COL20A1: variants seen among roughly 807,000 people sequenced by gnomAD.
COL20A1 encodes collagen alpha-1(XX) chain.
COL20A1 carries 164 observed loss-of-function variants against 152.9 expected under a neutral mutation model. The observed-to-expected ratio is 1.07, with a 90% confidence interval of 0.94 to 1.22. The LOEUF (loss-of-function observed/expected upper bound fraction) is 1.22. Ranked by LOEUF, COL20A1 falls within the 50% of genes most tolerant of loss-of-function variation. The pLI is 0.00. For synonymous variants in COL20A1, 864 were observed against 756.0 expected (o/e 1.14, Z -2.34); for missense variants, 1,873 against 1,744.8 (o/e 1.07, Z -1.31).
chr20:63,310,842 G>A (rs1386030472), intron 11 of COL20A1, among the ~76,000 whole-genome samples: 3 of 152,234 alleles, frequency 2.0e-5, no homozygotes, highest in East Asian at 3.9e-4. Context: ...TGGACCCCCA[G>A]GGACTGCCAT....
In COL20A1 at chr20:63,328,119, G is replaced by A. The variant is rs1279158685; in HGVS notation, c.3605G>A (p.Ser1202Asn). 4 of 1,613,188 alleles carry A rather than the reference G, an allele frequency of 2.5e-6. No homozygotes were observed. The highest frequency in any genetic ancestry group is 3.4e-6 in the Non-Finnish European group (4 of 1,179,816). The change falls in exon 33 of 36, where the codon AGC (serine) becomes AAC (asparagine). Residue 1202 changes from serine (S) to asparagine (N), a missense_variant. By Grantham distance (46) the Ser-to-Asn change is conservative (BLOSUM62 1). Transcript: ENST00000358894. ...QSLATLYQLV[S>N]QASHVSKFDS... ...CTTGCCACCCTCTACCAGCTTGTGAGCCAGGCCTGTGAGTCTGCCATTCAG... is the reference window on the plus strand; with the variant it reads ...CTTGCCACCCTCTACCAGCTTGTGAACCAGGCCTGTGAGTCTGCCATTCAG...
rs759153105 is a variant in COL20A1 at position 63,311,742 on chromosome 20, A to T, written c.1657A>T (p.Arg553Trp). 4.4e-6 allele frequency: 7 copies of T among 1,590,680 alleles called. No homozygotes were observed. Among genetic ancestry groups the T allele is most frequent in the Non-Finnish European group, 5.1e-6 (6 of 1,173,774 alleles). ...CAGCGAGGCCCGGGGCATCCGTGCC[A>T]GGACCCGTGAGTGCTCCAACCCCGG... ...EGSEARGIRARTPTLAPPRHL... is the reference protein window; with the variant it reads ...EGSEARGIRAWTPTLAPPRHL... Residue 553 changes from arginine to tryptophan, a missense_variant, in exon 13 of 36, where the codon AGG becomes TGG. Arg to Trp is a moderately radical substitution (Grantham distance 101). Coordinates refer to ENST00000358894, the MANE Select transcript of COL20A1 (RefSeq NM_020882.4). The surrounding 1 kb of genome is among the most constrained non-coding windows in gnomAD (Gnocchi z 4.4).
intron 10 of COL20A1, 22 bp from the exon 11 acceptor site, chr20:63,310,359 G>C: frequency 6.2e-7 from 1 of 1,609,890 alleles, no homozygotes. Flanking sequence ...TCCTGGCTCC[G>C]TCCTTGCCCA....
At position 63,329,661 on chromosome 20, in the gene COL20A1, G is replaced by C; in HGVS notation, c.*3G>C. The C allele has an allele frequency of 6.3e-7, 1 of 1,581,744 alleles. No individual in the cohort carries two copies. On this transcript the variant is annotated splice_region_variant and 3_prime_UTR_variant, in exon 35 of 36. Coordinates refer to ENST00000358894, the MANE Select transcript of COL20A1 (RefSeq NM_020882.4). ...GCACCCAGGGCCTCTGGGAGTGACA[G>C]GTGAGCCCCTGCTGCCTGCATCTAT...
Position 63,322,071 on chromosome 20 carries a change from G to A in COL20A1, c.3254G>A (p.Arg1085Lys). The change falls in exon 27 of 36, where the codon AGG becomes AAG. Residue 1085 changes from arginine (R) to lysine (K), a missense_variant. Transcript: ENST00000358894. ...GTGCCTCTGCAGGGCCTCCCTGGGA[G>A]GAATGGCACCCCAGGAGAGCAGGGC... ...GPQGPPGLPG[R>K]NGTPGEQGFP... 1 of 1,506,832 alleles carries A rather than the reference G, an allele frequency of 6.6e-7. No individual in the cohort carries two copies. Among genetic ancestry groups the A allele is most frequent in the Non-Finnish European group, 8.8e-7 (1 of 1,131,748 alleles). The allele number at this position is 1,506,832 out of a possible 1,614,324, so 93.3% of individuals were successfully genotyped here.
chr20:63,322,593 G>A (rs2068180778), intron 27 of COL20A1, among the ~76,000 whole-genome samples: 1 of 152,220 alleles, frequency 6.6e-6, no homozygotes, highest in Admixed American at 6.5e-5. Context: ...CGGGGGCGGA[G>A]GTTCTGGTTC....
At position 63,295,197 on chromosome 20, in the gene COL20A1, C is replaced by T; in HGVS notation, c.82+8C>T. 1 of 1,544,706 alleles carries T rather than the reference C, an allele frequency of 6.5e-7. No homozygotes were observed. The highest frequency in any genetic ancestry group is 8.8e-7 in the Non-Finnish European group (1 of 1,141,572). The stretch of plus-strand genomic sequence containing the variant: ...GAAGAGAGCAAGTTCAAGGTAAGGA[C>T]ACTGGCAGTGGGCCCCTGCTTGCCC... On this transcript the variant is annotated splice_region_variant and intron_variant, in intron 2 of 35. Transcript: ENST00000358894.
At position 63,305,405 on chromosome 20, in the gene COL20A1, A is replaced by AC; in HGVS notation, c.194-8dup. 6.7e-7 allele frequency: 1 copy of AC among 1,490,550 alleles called. No homozygotes were observed. Among genetic ancestry groups the AC allele is most frequent in the Non-Finnish European group, 8.9e-7 (1 of 1,123,070 alleles). 92.3% of individuals were successfully genotyped at this position (1,490,550 alleles called of 1,614,324 possible). A position where few individuals can be genotyped will look rare whatever the true frequency, so the allele number is the denominator to read the frequency against. On this transcript the variant is annotated splice_polypyrimidine_tract_variant and intron_variant, in intron 3 of 35. Transcript: ENST00000358894. The surrounding 1 kb of genome is among the most constrained non-coding windows in gnomAD (Gnocchi z 4.9). ...CACCTTGGCCTCTAAAGCTCTCCCC[A>AC]CCCCTACCCAGGGGACTCGGAACAG...
Position 63,316,172 on chromosome 20 carries a change from G to A in COL20A1, c.2525-381G>A, listed in dbSNP as rs376519886. ...GGCGGGCGGGGGACGCGGTGCAGTG[G>A]GCTTGCTGGGGGGCAGGGGCGAGAG... On this transcript the variant is annotated intron_variant, in intron 20 of 35. Coordinates refer to ENST00000358894, the MANE Select transcript of COL20A1 (RefSeq NM_020882.4). 5.3e-5 allele frequency among the ~76,000 whole-genome samples: 8 copies of A among 152,242 alleles called. No individual in the cohort carries two copies. In the South Asian group the frequency reaches 1.0e-3, roughly 20 times the overall value.
chr20:63,319,067 C>T lies in COL20A1; in HGVS notation c.2673C>T (p.Tyr891=). 2.5e-6 allele frequency: 4 copies of T among 1,600,894 alleles called. No individual in the cohort carries two copies. The highest frequency in any genetic ancestry group is 3.4e-6 in the Non-Finnish European group (4 of 1,169,338). Residue 891 remains tyrosine (Y), a synonymous_variant, in exon 22 of 36, where the codon TAC becomes TAT. Transcript: ENST00000358894. This position sits in a 1 kb window ranked among gnomAD's most constrained non-coding sequence, Gnocchi z 4.4. ...AQLTRRVSDV[Y]PAPLPPEHTI... ...CCCCCAACCCCCACAGTGACGTCTACCCAGCCCCCCTACCTCCAGAGCACA... is the reference window on the plus strand; with the variant it reads ...CCCCCAACCCCCACAGTGACGTCTATCCAGCCCCCCTACCTCCAGAGCACA...
In COL20A1 at chr20:63,312,810, G is replaced by A; in HGVS notation, c.1952G>A (p.Ser651Asn). Residue 651 changes from serine (S) to asparagine (N), a missense_variant, in exon 16 of 36, where the codon AGC (serine) becomes AAC (asparagine). By Grantham distance (46) the Ser-to-Asn change is conservative. Transcript: ENST00000358894. Reference sequence around the variant, plus strand: ...CCTTCAGAGAAAGCTCCCAGCCCAAGCCAGCTGTCCATGACGGAGCTGCCA... The same window carrying A: ...CCTTCAGAGAAAGCTCCCAGCCCAAACCAGCTGTCCATGACGGAGCTGCCA... ...RVTTKKAPSPSQLSMTELPGD... is the reference protein window; with the variant it reads ...RVTTKKAPSPNQLSMTELPGD... 1 of 1,553,500 alleles carries A rather than the reference G, an allele frequency of 6.4e-7. No individual in the cohort carries two copies. Among genetic ancestry groups the A allele is most frequent in the Non-Finnish European group, 8.7e-7 (1 of 1,145,172 alleles).
intron 5 of COL20A1, 29 bp from the exon 6 acceptor site, chr20:63,307,461 T>C (rs1162521308): frequency 1.9e-6 from 3 of 1,599,992 alleles, no homozygotes. Context: ...GGGCCTCACC[T>C]AGCACCTGAC....
In COL20A1 at chr20:63,319,541, A is replaced by C. The variant is rs533969721; in HGVS notation, c.2861A>C (p.Glu954Ala). The C allele has an allele frequency of 2.3e-5, 37 of 1,598,536 alleles. No homozygotes were observed. Among genetic ancestry groups the C allele is most frequent in the Non-Finnish European group, 2.9e-5 (34 of 1,173,384 alleles). Residue 954 changes from glutamate to alanine, a missense_variant, in exon 23 of 36, where the codon GAG (glutamate) becomes GCG (alanine). Physicochemically the swap from Glu to Ala is moderately radical, Grantham distance 107. Coordinates refer to ENST00000358894, the MANE Select transcript of COL20A1 (RefSeq NM_020882.4). The surrounding 1 kb of genome is among the most constrained non-coding windows in gnomAD (Gnocchi z 4.4). ...CGTGACCCCAGGGCTGCCTTGCAGG[A>C]GGCCACCTTCGACCCGCAGGAAGTG... ...FHRDPRAALQ[E>A]ATFDPQEVRK...
rs375175466 is a variant in COL20A1 at position 63,327,947 on chromosome 20, A to G, written c.3529-5A>G. The stretch of plus-strand genomic sequence containing the variant: ...TGACTTCTTTTCTCTTCCCCTCCTC[A>G]TCAGGGACTGCCAGGGCCCAAAGGG... On this transcript the variant is annotated splice_region_variant and splice_polypyrimidine_tract_variant and intron_variant, in intron 31 of 35. Transcript: ENST00000358894. The G allele has an allele frequency of 5.1e-5, 81 of 1,597,470 alleles. No individual in the cohort carries two copies. In the African/African-American group the frequency reaches 9.8e-4, roughly 19 times the overall value.
intron 3 of COL20A1, among the ~76,000 whole-genome samples, chr20:63,301,572 C>T (rs534426610): frequency 5.3e-5 from 8 of 152,124 alleles, no homozygotes; most frequent in Non-Finnish European, 7.3e-5. Context: ...CTGTTCTTTG[C>T]TTTATGCATG....
At position 63,332,818 on chromosome 20, in the gene COL20A1, G is replaced by C. The variant is rs550407354; in HGVS notation, c.*2102G>C. ...GGCCAGCTGGTGCCCAGGCAGCTTA[G>C]GGACTGGTCCCTGAGGCCCCACCCG... On this transcript the variant is annotated 3_prime_UTR_variant, in exon 36 of 36. Transcript: ENST00000358894. 73 of 152,372 alleles carry C rather than the reference G, an allele frequency of 4.8e-4. No individual in the cohort carries two copies. Among genetic ancestry groups the C allele is most frequent in the African/African-American group, 1.7e-3 (72 of 41,582 alleles). The allele number at this position is 152,372 out of a possible 1,614,324, so 9.4% of individuals were successfully genotyped here.
intron 3 of COL20A1, among the ~76,000 whole-genome samples, chr20:63,304,492 T>C (rs1445527852): frequency 3.8e-4 from 25 of 65,044 alleles, no homozygotes; most frequent in Admixed American, 7.1e-4. Context: ...TCCCTCCTCT[T>C]CTCCCTGCAG....
chr20:63,322,268 C>A (rs2068175078), intron 27 of COL20A1, among the ~76,000 whole-genome samples, 157 bp downstream of exon 27: 8 of 152,134 alleles, frequency 5.3e-5, no homozygotes, highest in Admixed American at 5.2e-4. Flanking sequence ...GGGACCCCAG[C>A]ACCCCAGGAG....
rs371357198 is a variant in COL20A1, at chr20:63,308,057, C to T, written c.742C>T (p.Arg248Cys). The change falls in exon 7 of 36, where the codon CGC becomes TGC. Residue 248 changes from arginine to cysteine, a missense_variant. Arg to Cys is a radical substitution (Grantham distance 180). Transcript: ENST00000358894. ...GGAACAGGTGCTGGCAGCTGTGCGC[C>T]GCCTCCGCTACAAGGGGGGGAACAC... ...TKEQVLAAVRRLRYKGGNTFT... is the reference protein window; with the variant it reads ...TKEQVLAAVRCLRYKGGNTFT... 1.7e-5 allele frequency: 28 copies of T among 1,612,422 alleles called. No homozygotes were observed. Among genetic ancestry groups the T allele is most frequent in the Middle Eastern group, 1.6e-4 (1 of 6,080 alleles).
Sources: gnomAD v4.1 joint callset for allele counts (sites outside exome capture counted in the v4.1 genomes callset) on GRCh38, gnomAD v4.1.1 for gene constraint, Gnocchi (gnomAD v3.1) non-coding constraint, MANE v1.5 for transcripts, NCBI Gene and HGNC (gene_info 2026-07-23, HGNC 2026-07-21) for gene names.